Variants in NECAB1 observed in about 807,000 individuals in gnomAD.
NECAB1 encodes N-terminal EF-hand calcium-binding protein 1.
Under a neutral mutation model 57.5 loss-of-function variants are expected in NECAB1, and 29 were observed. That is an observed-to-expected ratio of 0.50 (90% CI 0.38 to 0.69). NECAB1 has a LOEUF of 0.69. NECAB1 is among the 30% of genes least tolerant of loss of function. The pLI, the probability that NECAB1 is intolerant of heterozygous loss-of-function variation, is 0.00. For synonymous variants in NECAB1, 142 were observed against 147.7 expected, an observed-to-expected ratio of 0.96 and a Z score of 0.28; for missense variants, 372 against 413.8, an observed-to-expected ratio of 0.90 and a Z score of 0.88.
intron 6 of NECAB1, 150 bp downstream of exon 6, chr8:90,917,778 CTTA>C (rs897845784): frequency 3.6e-4 from 231 of 633,518 alleles, no homozygotes; most frequent in Non-Finnish European, 4.4e-4. Context: ...GGTTGCTTGC[CTTA>C]TTATTTGCCT....
chr8:90,895,275 C>A (rs1328801784), intron 5 of NECAB1, among the ~76,000 whole-genome samples: 1 of 152,194 alleles, frequency 6.6e-6, no homozygotes, highest in Non-Finnish European at 1.5e-5. Context: ...CTTGGAAGCA[C>A]AAAGGAGGTA....
chr8:90,866,302 G>A (rs1309198893), intron 3 of NECAB1, among the ~76,000 whole-genome samples: 2 of 152,196 alleles, frequency 1.3e-5, no homozygotes, highest in Non-Finnish European at 2.9e-5. Flanking sequence ...AAACCAATGG[G>A]TGCATCTACT....
intron 2 of NECAB1, 52 bp downstream of exon 2, chr8:90,801,767 T>A: frequency 8.5e-7 from 1 of 1,171,530 alleles, no homozygotes; most frequent in Non-Finnish European, 1.2e-6. Flanking sequence ...CATTTTATAT[T>A]ACCTTATAAA....
intron 10 of NECAB1, among the ~76,000 whole-genome samples, chr8:90,947,982 TTAATG>T (rs1810848973): frequency 6.6e-6 from 1 of 152,206 alleles, no homozygotes. Flanking sequence ...AAGTAGGATT[TTAATG>T]TAATAAGTAA....
chr8:90,954,827 TATAC>T (rs1424963517), intron 12 of NECAB1, among the ~76,000 whole-genome samples: 4 of 148,700 alleles, frequency 2.7e-5, no homozygotes, highest in South Asian at 2.1e-4. Context: ...TATTATATAT[TATAC>T]ATAAGCTGCA....
chr8:90,798,756 A>G (rs1184479854), intron 1 of NECAB1, among the ~76,000 whole-genome samples: 2 of 152,226 alleles, frequency 1.3e-5, no homozygotes, highest in African/African-American at 4.8e-5. Context: ...GCTGCAATGA[A>G]TATACGAGTG....
chr8:90,851,647 G>A (rs1242654251), intron 3 of NECAB1, among the ~76,000 whole-genome samples: 2 of 152,244 alleles, frequency 1.3e-5, no homozygotes, highest in East Asian at 1.9e-4. Context: ...TAGGTTCACA[G>A]CAAAATGGAG....
At chr8:90,799,915 T>C (rs535158911) in intron 1 of NECAB1, among the ~76,000 whole-genome samples, 8 of 152,348 alleles carry the variant, frequency 5.3e-5, no homozygotes, top group African/African-American at 1.9e-4. Flanking sequence ...ATTTTAACAA[T>C]ATTGATTCTT....
chr8:90,940,129 G>C (rs1195034220), intron 9 of NECAB1: 1 of 152,204 alleles, frequency 6.6e-6, no homozygotes, highest in Non-Finnish European at 1.5e-5. Flanking sequence ...TTTGTTACAG[G>C]AAACAGTTGG....
chr8:90,949,146 T>TGTGTGTGTGTGTG (rs1810872818), intron 10 of NECAB1, among the ~76,000 whole-genome samples: 1 of 129,876 alleles, frequency 7.7e-6, no homozygotes, highest in Non-Finnish European at 1.6e-5. Flanking sequence ...AACAGGCACT[T>TGTGTGTGTGTGTG]TGTGTGTGTG....
At position 90,955,592 on chromosome 8, in the gene NECAB1, C is replaced by T. The variant is rs1586156030; in HGVS notation, c.*80C>T. On this transcript the variant is annotated 3_prime_UTR_variant, in exon 13 of 13. Coordinates refer to ENST00000417640, the MANE Select transcript of NECAB1 (RefSeq NM_022351.5). ...AAAACGTCAATTAGAAAATTATCTG[C>T]GGTTGTTAATCTACTGTATATTTTT... The T allele has an allele frequency of 1.0e-5, 11 of 1,084,944 alleles. No individual in the cohort carries two copies. Among genetic ancestry groups the T allele is most frequent in the Admixed American group, 7.4e-5 (3 of 40,570 alleles). The allele number at this position is 1,084,944 out of a possible 1,614,324, so 67.2% of individuals were successfully genotyped here.
At chr8:90,885,598 T>C (rs1808962163) in intron 5 of NECAB1, among the ~76,000 whole-genome samples, 1 of 152,224 alleles carries the variant, frequency 6.6e-6, no homozygotes, top group Non-Finnish European at 1.5e-5. Flanking sequence ...AAAGGTAATA[T>C]ACACATTTCA....
intron 2 of NECAB1, among the ~76,000 whole-genome samples, chr8:90,821,114 C>A (rs940030258): frequency 2.6e-5 from 4 of 151,810 alleles, no homozygotes; most frequent in South Asian, 2.1e-4. Flanking sequence ...CAAGCATACA[C>A]CTCAAGCCCC....
At chr8:90,938,570 A>T (rs1315069322) in intron 9 of NECAB1, among the ~76,000 whole-genome samples, 2 of 152,220 alleles carry the variant, frequency 1.3e-5, no homozygotes. Flanking sequence ...TCTACTTTAA[A>T]TTAACTATTA....
intron 4 of NECAB1, among the ~76,000 whole-genome samples, chr8:90,877,942 G>C (rs6471261): frequency 6.6e-6 from 1 of 151,920 alleles, no homozygotes; most frequent in African/African-American, 2.4e-5. Context: ...TGAGTATCCA[G>C]CAGGTTAAGT....
In NECAB1 at chr8:90,846,750, C is replaced by T. The variant is rs115268430; in HGVS notation, c.233+21925C>T. 6.1e-3 allele frequency among the ~76,000 whole-genome samples: 936 copies of T among 152,284 alleles called. 8 individuals carry two copies. The highest frequency in any genetic ancestry group is 0.021 in the African/African-American group (865 of 41,562). ...GCAAGTCATGTCTTACATGGCATTA[C>T]GCAAGAAAGCATGTGCAGGGGAACT... On this transcript the variant is annotated intron_variant, in intron 3 of 12. Transcript: ENST00000417640.
At chr8:90,802,712 A>G (rs1033202749) in intron 2 of NECAB1, among the ~76,000 whole-genome samples, 3 of 152,232 alleles carry the variant, frequency 2.0e-5, no homozygotes, top group African/African-American at 7.2e-5. Flanking sequence ...AAAGAAGATT[A>G]TTAATCCAAG....
At chr8:90,923,536 C>A (rs1162952166) in intron 6 of NECAB1, among the ~76,000 whole-genome samples, 2 of 152,232 alleles carry the variant, frequency 1.3e-5, no homozygotes, top group Non-Finnish European at 2.9e-5. Flanking sequence ...CTGCCACAAA[C>A]AAAGAGGTTC....
At chr8:90,859,937 A>C (rs919343594) in intron 3 of NECAB1, among the ~76,000 whole-genome samples, 5 of 152,164 alleles carry the variant, frequency 3.3e-5, no homozygotes, top group Admixed American at 6.6e-5. Flanking sequence ...TTTACAGGGA[A>C]ATATTCTCTC....
Sources: allele counts gnomAD v4.1 joint callset (sites outside exome capture counted in the v4.1 genomes callset), GRCh38; gene constraint gnomAD v4.1.1; transcripts MANE v1.5; gene names NCBI Gene and HGNC (gene_info 2026-07-23, HGNC 2026-07-21).